Variants in PTPN4 observed in about 807,000 individuals in gnomAD.
PTPN4 encodes the protein protein tyrosine phosphatase non-receptor type 4.
A neutral mutation model predicts 135.5 loss-of-function variants in PTPN4; 49 were observed. That is an observed-to-expected ratio of 0.36 (90% confidence interval 0.29 to 0.46). PTPN4 has a LOEUF of 0.46. Ranked by LOEUF, PTPN4 falls within the 20% of genes least tolerant of loss-of-function variation. The pLI is 1.00. For missense variants in PTPN4, 860 were observed against 1,101.0 expected (o/e 0.78, Z 3.10); for synonymous variants, 333 against 369.9 (o/e 0.90, Z 1.14).
chr2:119,972,555 CT>C (rs1679551915), intron 26 of PTPN4, among the ~76,000 whole-genome samples: 1 of 151,826 alleles, frequency 6.6e-6, no homozygotes, highest in African/African-American at 2.4e-5. Flanking sequence ...TTTTCTTTGT[CT>C]TTCTTGTATA....
chr2:119,846,547 G>A (rs755774751), intron 2 of PTPN4, among the ~76,000 whole-genome samples: 53 of 147,722 alleles, frequency 3.6e-4, no homozygotes, highest in Middle Eastern at 3.2e-3. Context: ...ATATACTTGC[G>A]TCTTATTTTT....
intron 3 of PTPN4, among the ~76,000 whole-genome samples, chr2:119,863,195 T>A (rs1168828389): frequency 6.6e-6 from 1 of 152,092 alleles, no homozygotes; most frequent in African/African-American, 2.4e-5. Flanking sequence ...TTTAATTAGA[T>A]AGATCACATC....
intron 1 of PTPN4, among the ~76,000 whole-genome samples, chr2:119,794,628 G>A (rs995559024): frequency 2.0e-5 from 3 of 152,200 alleles, no homozygotes; most frequent in African/African-American, 4.8e-5. Context: ...CCTTGAAGAG[G>A]GTGTCAGAGC....
At position 119,789,464 on chromosome 2, in the gene PTPN4, C is replaced by T. The variant is rs140776290; in HGVS notation, c.-17-20373C>T. On this transcript the variant is annotated intron_variant, in intron 1 of 26. Coordinates refer to ENST00000263708, the MANE Select transcript of PTPN4 (RefSeq NM_002830.4). ...TTATCTGTTTTTTTCTTTTGTTGCCCGTGCTATTGGTGTCATATAAAGAAA... is the reference window on the plus strand; with the variant it reads ...TTATCTGTTTTTTTCTTTTGTTGCCTGTGCTATTGGTGTCATATAAAGAAA... 2.6e-3 allele frequency among the ~76,000 whole-genome samples: 398 copies of T among 152,028 alleles called. 1 individual carries two copies. Among genetic ancestry groups the T allele is most frequent in the African/African-American group, 9.2e-3 (383 of 41,468 alleles).
At chr2:119,771,266 G>A (rs945313553) in intron 1 of PTPN4, among the ~76,000 whole-genome samples, 2 of 152,182 alleles carry the variant, frequency 1.3e-5, no homozygotes, top group African/African-American at 4.8e-5. Context: ...GATGCCAGAT[G>A]ACATCCAGTG....
At chr2:119,851,610 C>G (rs2104980095) in intron 2 of PTPN4, among the ~76,000 whole-genome samples, 1 of 152,316 alleles carries the variant, frequency 6.6e-6, no homozygotes, top group Admixed American at 6.5e-5. Flanking sequence ...AGGCTTTCTT[C>G]CCTTTTCCAG....
chr2:119,956,237 AT>A (rs10627020), intron 20 of PTPN4, among the ~76,000 whole-genome samples: 2,910 of 100,972 alleles, frequency 0.029, 28 homozygotes, highest in African/African-American at 0.077. Context: ...ATAAACCTGA[AT>A]TTTTTTTTTT....
At chr2:119,877,267 C>G in intron 3 of PTPN4, 56 bp from the exon 4 acceptor site, 1 of 1,554,428 alleles carries the variant, frequency 6.4e-7, no homozygotes, top group East Asian at 2.3e-5. Flanking sequence ...TTGCAAGAAT[C>G]AATATAGTAG....
chr2:119,903,287 A>G (rs943541166), intron 10 of PTPN4, among the ~76,000 whole-genome samples: 7 of 152,094 alleles, frequency 4.6e-5, no homozygotes, highest in African/African-American at 1.7e-4. Context: ...GGGGCTAAGT[A>G]AGGACTGGCC....
intron 2 of PTPN4, among the ~76,000 whole-genome samples, chr2:119,862,145 A>G (rs1336249783): frequency 1.3e-5 from 2 of 152,192 alleles, no homozygotes; most frequent in African/African-American, 2.4e-5. Context: ...TGATAGCCTG[A>G]AAGTGAAAAG....
chr2:119,934,296 T>C (rs1678949863), intron 14 of PTPN4, among the ~76,000 whole-genome samples: 1 of 152,156 alleles, frequency 6.6e-6, no homozygotes, highest in African/African-American at 2.4e-5. Flanking sequence ...GAGAAATGTC[T>C]GACACATACA....
chr2:119,863,599 C>T (rs995826050), intron 3 of PTPN4, among the ~76,000 whole-genome samples: 1 of 151,934 alleles, frequency 6.6e-6, no homozygotes, highest in Admixed American at 6.6e-5. Context: ...TGGTTGGGAT[C>T]TTCATTCTCT....
In PTPN4 at chr2:119,791,375, A is replaced by G. The variant is rs1011077314; in HGVS notation, c.-17-18462A>G. 7 of 151,994 alleles carry G rather than the reference A, an allele frequency of 4.6e-5. No individual in the cohort carries two copies. The East Asian group carries it at 5.8e-4, about 13-fold the overall frequency. 9.4% of individuals were successfully genotyped at this position (151,994 alleles called of 1,614,324 possible). On this transcript the variant is annotated intron_variant, in intron 1 of 26. Transcript: ENST00000263708. ...TCTCAATCTCTTGACCTTGTGATCT[A>G]CCCACCTTGGCCTCCCAAAGTGCTG... is the stretch of plus-strand genomic sequence containing the variant.
At chr2:119,962,958 A>G (rs1679390200) in intron 24 of PTPN4, among the ~76,000 whole-genome samples, 1 of 152,192 alleles carries the variant, frequency 6.6e-6, no homozygotes, top group African/African-American at 2.4e-5. Context: ...CTATGACTAA[A>G]TATGAATGGT....
At chr2:119,927,442 A>T (rs935625814) in intron 13 of PTPN4, among the ~76,000 whole-genome samples, 1 of 152,166 alleles carries the variant, frequency 6.6e-6, no homozygotes, top group African/African-American at 2.4e-5. Flanking sequence ...AAGTGAAATG[A>T]CATGATAAGA....
chr2:119,799,439 T>C (rs776078839), intron 1 of PTPN4, among the ~76,000 whole-genome samples: 3 of 151,732 alleles, frequency 2.0e-5, no homozygotes, highest in Non-Finnish European at 4.4e-5. Context: ...AAATAAGACA[T>C]GTGAGTAATG....
intron 1 of PTPN4, among the ~76,000 whole-genome samples, chr2:119,805,229 G>A (rs981136923): frequency 6.6e-6 from 1 of 152,076 alleles, no homozygotes; most frequent in African/African-American, 2.4e-5. Flanking sequence ...CTCCTGTTTT[G>A]TATGTTGCCT....
At chr2:119,898,878 T>C (rs1363180919) in intron 9 of PTPN4, among the ~76,000 whole-genome samples, 2 of 152,198 alleles carry the variant, frequency 1.3e-5, no homozygotes, top group Admixed American at 6.5e-5. Flanking sequence ...TTTTTAAACT[T>C]GTTTTTCTAC....
intron 6 of PTPN4, 108 bp downstream of exon 6, chr2:119,881,938 G>A (rs1169499455): frequency 9.5e-7 from 1 of 1,050,370 alleles, no homozygotes; most frequent in Non-Finnish European, 1.4e-6. Flanking sequence ...ATTTAAGAAG[G>A]TTACATGTAG....
Sources: gnomAD v4.1 joint callset for allele counts (sites outside exome capture counted in the v4.1 genomes callset) on GRCh38, gnomAD v4.1.1 for gene constraint, MANE v1.5 for transcripts, NCBI Gene and HGNC (gene_info 2026-07-23, HGNC 2026-07-21) for gene names.